The following RAB37 variants were observed in gnomAD, a reference collection of about 807,000 sequenced individuals.
The protein encoded by RAB37 is RAB37, member RAS oncogene family.
Under a neutral mutation model 33.1 loss-of-function variants are expected in RAB37, and 29 were observed. The observed-to-expected ratio is 0.88, with a 90% CI of 0.65 to 1.20. The LOEUF (loss-of-function observed/expected upper bound fraction) is 1.20, where lower values mean the gene tolerates loss of function less well. Ranked by LOEUF, RAB37 falls within the 50% of genes most tolerant of loss-of-function variation. The pLI is 0.00. For missense variants in RAB37, 299 were observed against 301.1 expected (o/e 0.99, Z 0.05); for synonymous variants, 128 against 119.5 (o/e 1.07, Z -0.47).
Position 74,745,028 on chromosome 17 carries a change from G to T in RAB37, c.510G>T (p.Leu170=), listed in dbSNP as rs2034721154. 6.2e-7 allele frequency: 1 copy of T among 1,614,114 alleles called. No homozygotes were observed. The highest frequency in any genetic ancestry group is 1.3e-5 in the African/African-American group (1 of 74,952). Residue 170 remains leucine (L), a synonymous_variant, in exon 8 of 9, where the codon CTG becomes CTT. Transcript: ENST00000392613. The surrounding 1 kb of genome is among the most constrained non-coding windows in gnomAD (Gnocchi z 4.5). ...GGCAGGAGTACGGTGTTCCCTTCCT[G>T]GAGACCAGCGCCAAGACTGGCATGA... ...TLAREYGVPF[L]ETSAKTGMNV...
rs1373258906 is a variant in RAB37 at position 74,742,026 on chromosome 17, T to A, written c.205-228T>A. ...GCCAGGATGTTTCTCAGGCTCCTCT[T>A]GCCCTGCTGTTGTGAGAAGGCAGTT... On this transcript the variant is annotated intron_variant, in intron 2 of 8. Coordinates refer to ENST00000392613, the MANE Select transcript of RAB37 (RefSeq NM_001006638.3). The surrounding 1 kb of genome is among the most constrained non-coding windows in gnomAD (Gnocchi z 4.0). 2.0e-5 allele frequency among the ~76,000 whole-genome samples: 3 copies of A among 152,178 alleles called. No homozygotes were observed. The highest frequency in any genetic ancestry group is 4.4e-5 in the Non-Finnish European group (3 of 68,022).
chr17:74,733,051 T>G (rs1264539693), upstream of RAB37, among the ~76,000 whole-genome samples: 1 of 152,062 alleles, frequency 6.6e-6, no homozygotes, highest in African/African-American at 2.4e-5. Flanking sequence ...TATACACATT[T>G]GGTGATGGTG....
chr17:74,700,994 C>T (rs548536705), intron 1 of RAB37, among the ~76,000 whole-genome samples: 3 of 152,186 alleles, frequency 2.0e-5, no homozygotes, highest in South Asian at 4.1e-4. Flanking sequence ...GGGACGACCA[C>T]GTGAACACAT....
At chr17:74,708,286 TCCG>T (rs2033677090) in intron 1 of RAB37, among the ~76,000 whole-genome samples, 1 of 152,152 alleles carries the variant, frequency 6.6e-6, no homozygotes, top group African/African-American at 2.4e-5. Flanking sequence ...GTTTAAAACT[TCCG>T]CCAGAATAAA....
chr17:74,673,562 G>A (rs891351909), intron 1 of RAB37, among the ~76,000 whole-genome samples: 1 of 151,330 alleles, frequency 6.6e-6, no homozygotes, highest in South Asian at 2.1e-4. Context: ...AAGATTGGGA[G>A]CTCAGATTGT....
chr17:74,691,975 C>T (rs2032165423), intron 1 of RAB37, among the ~76,000 whole-genome samples: 1 of 151,612 alleles, frequency 6.6e-6, no homozygotes, highest in Admixed American at 6.6e-5. Flanking sequence ...ATGCCATTCT[C>T]CTACCTCGGC....
chr17:74,709,101 G>A (rs1336073740), intron 1 of RAB37, among the ~76,000 whole-genome samples: 2 of 151,674 alleles, frequency 1.3e-5, no homozygotes, highest in African/African-American at 4.9e-5. Context: ...GCGGGCGCCT[G>A]TAGTCCCAGC....
intron 1 of RAB37, among the ~76,000 whole-genome samples, chr17:74,688,572 GAAAAGA>G: frequency 6.9e-6 from 1 of 144,618 alleles, no homozygotes; most frequent in Non-Finnish European, 1.5e-5. Flanking sequence ...AAAAAGAAAA[GAAAAGA>G]AAAAGAAAAT....
intron 1 of RAB37, chr17:74,677,615 T>G (rs1015708969): frequency 7.2e-5 from 11 of 152,214 alleles, no homozygotes; most frequent in African/African-American, 2.7e-4. Context: ...TCCACTGGCT[T>G]GTTTTCCTCT....
chr17:74,686,406 T>A (rs1458174528), intron 1 of RAB37, among the ~76,000 whole-genome samples: 1 of 149,512 alleles, frequency 6.7e-6, no homozygotes, highest in East Asian at 2.0e-4. Context: ...TATTATTATT[T>A]TTGAGATGGA....
At chr17:74,727,028 C>T (rs894428161) in intron 1 of RAB37, among the ~76,000 whole-genome samples, 5 of 152,196 alleles carry the variant, frequency 3.3e-5, no homozygotes, top group Admixed American at 6.5e-5. Context: ...TTCTTTCAAA[C>T]ATTTCATCTG....
At chr17:74,710,103 T>C (rs1046113223) in intron 1 of RAB37, among the ~76,000 whole-genome samples, 5 of 152,218 alleles carry the variant, frequency 3.3e-5, no homozygotes, top group Non-Finnish European at 7.4e-5. Context: ...CTCAGCCTCC[T>C]GAGTAGCTGG....
chr17:74,728,596 T>A (rs111164221), intron 1 of RAB37, among the ~76,000 whole-genome samples: 119 of 152,022 alleles, frequency 7.8e-4, no homozygotes, highest in Admixed American at 2.0e-3. Context: ...ATGTGTTGTA[T>A]GTGTGTATGT....
At chr17:74,716,796 G>A (rs144679225) in intron 1 of RAB37, among the ~76,000 whole-genome samples, 8 of 152,218 alleles carry the variant, frequency 5.3e-5, no homozygotes, top group Non-Finnish European at 8.8e-5. Flanking sequence ...AGAGAATCCC[G>A]GAGCTGGTTG....
chr17:74,695,598 G>A, intron 1 of RAB37: 7 of 1,366,316 alleles, frequency 5.1e-6, no homozygotes, highest in Non-Finnish European at 7.0e-6. Context: ...CAGTGACTAT[G>A]GCTTTGCCCC....
intron 1 of RAB37, among the ~76,000 whole-genome samples, chr17:74,725,429 A>C (rs1422875931): frequency 2.0e-5 from 3 of 152,132 alleles, no homozygotes; most frequent in Non-Finnish European, 2.9e-5. Context: ...CTTGGGGAAA[A>C]GTGCAGTCAG....
At chr17:74,735,759 C>T (rs1284994571), upstream of RAB37, among the ~76,000 whole-genome samples, 1 of 152,194 alleles carries the variant, frequency 6.6e-6, no homozygotes, top group Non-Finnish European at 1.5e-5. Flanking sequence ...TCACCTCTGT[C>T]CCCACTCTGG....
In RAB37 at chr17:74,684,705, A is replaced by T. The variant is rs151072164; in HGVS notation, c.72+13047A>T. Among the ~76,000 whole-genome samples, 1,222 of 152,146 alleles carry T rather than the reference A, an allele frequency of 8.0e-3. 24 individuals carry two copies. The highest frequency in any genetic ancestry group is 0.027 in the African/African-American group (1,127 of 41,504). Reference sequence around the variant, plus strand: ...CTCAGGAGGCTGAGGCAGGAGAATCACTTGAACCTGGGAGGCAGAGGTTGC... The same window carrying T: ...CTCAGGAGGCTGAGGCAGGAGAATCTCTTGAACCTGGGAGGCAGAGGTTGC... On this transcript the variant is annotated intron_variant, in intron 1 of 7. Transcript: ENST00000340415.
chr17:74,674,388 A>G (rs2031776689), intron 1 of RAB37, among the ~76,000 whole-genome samples: 1 of 150,840 alleles, frequency 6.6e-6, no homozygotes, highest in Admixed American at 6.6e-5. Flanking sequence ...GCGTGGGGAA[A>G]TGATTTTTTA....
Sources: gnomAD v4.1 joint callset for allele counts (sites outside exome capture counted in the v4.1 genomes callset) on GRCh38, gnomAD v4.1.1 for gene constraint, Gnocchi (gnomAD v3.1) non-coding constraint, MANE v1.5 for transcripts, NCBI Gene and HGNC (gene_info 2026-07-23, HGNC 2026-07-21) for gene names.